Variants in DMRT1 observed in about 807,000 individuals in gnomAD.
The protein encoded by DMRT1 is doublesex and mab-3 related transcription factor 1, also known as doublesex- and mab-3-related transcription factor 1.
DMRT1 carries 7 observed loss-of-function variants against 32.3 expected under a neutral mutation model. The observed-to-expected ratio is 0.22, with a 90% CI of 0.12 to 0.41. The LOEUF is 0.41. Among genes scored for constraint, DMRT1 ranks in the 10% least tolerant of loss-of-function variants. The pLI, the probability that DMRT1 is intolerant of heterozygous loss-of-function variation, is 1.00. For missense variants in DMRT1, 625 were observed against 500.5 expected, an observed-to-expected ratio of 1.25 and a Z score of -2.37; for synonymous variants, 278 against 206.1, an observed-to-expected ratio of 1.35 and a Z score of -2.99.
chr9:856,928 G>A (rs1815423489), intron 2 of DMRT1, among the ~76,000 whole-genome samples: 1 of 152,190 alleles, frequency 6.6e-6, no homozygotes, highest in Non-Finnish European at 1.5e-5. Context: ...ATCCTAGCAA[G>A]CTACAGGTAA....
chr9:900,260 C>T (rs1015650710), intron 3 of DMRT1, among the ~76,000 whole-genome samples: 2 of 152,166 alleles, frequency 1.3e-5, no homozygotes, highest in East Asian at 3.9e-4. Context: ...GCTCCAGCAC[C>T]TTCTGCCTGC....
intron 2 of DMRT1, among the ~76,000 whole-genome samples, chr9:849,726 G>A (rs913633241): frequency 6.6e-6 from 1 of 152,222 alleles, no homozygotes; most frequent in Non-Finnish European, 1.5e-5. Flanking sequence ...GAAGGGGCAT[G>A]TGGAAGCCTA....
chr9:850,901 C>T (rs144515325), intron 2 of DMRT1, among the ~76,000 whole-genome samples: 1,992 of 151,952 alleles, frequency 0.013, 46 homozygotes, highest in African/African-American at 0.043. Context: ...TGGTGGCACA[C>T]GCCTGTAATC....
At chr9:953,618 C>T (rs575636788) in intron 4 of DMRT1, among the ~76,000 whole-genome samples, 3 of 152,314 alleles carry the variant, frequency 2.0e-5, no homozygotes, top group East Asian at 3.9e-4. Context: ...TGTACTCCCT[C>T]TCCACTGCTG....
intron 2 of DMRT1, among the ~76,000 whole-genome samples, chr9:863,349 G>T (rs1004456612): frequency 1.3e-5 from 2 of 151,344 alleles, no homozygotes; most frequent in Non-Finnish European, 2.9e-5. Context: ...GGCAGGGGAA[G>T]TGTGGACAGA....
intron 3 of DMRT1, chr9:894,491 C>G (rs1017391468): frequency 2.6e-5 from 12 of 456,664 alleles, no homozygotes. Flanking sequence ...TCAAATTTTA[C>G]TTTTCTCATT....
intron 3 of DMRT1, among the ~76,000 whole-genome samples, chr9:911,890 T>G (rs1818003925): frequency 6.6e-6 from 1 of 152,160 alleles, no homozygotes; most frequent in African/African-American, 2.4e-5. Flanking sequence ...GTCACGTGGA[T>G]GGGTTGTTTG....
intron 3 of DMRT1, among the ~76,000 whole-genome samples, chr9:907,458 A>G (rs961827591): frequency 2.6e-5 from 4 of 152,168 alleles, no homozygotes; most frequent in Admixed American, 1.3e-4. Context: ...CACTGGTCCA[A>G]ACCAACCACC....
chr9:858,424 G>T (rs554334203), intron 2 of DMRT1, among the ~76,000 whole-genome samples: 1 of 152,208 alleles, frequency 6.6e-6, no homozygotes, highest in Non-Finnish European at 1.5e-5. Context: ...CATATTCCTA[G>T]TTACTTGGTG....
At chr9:896,051 C>T (rs985467491) in intron 3 of DMRT1, among the ~76,000 whole-genome samples, 1 of 151,972 alleles carries the variant, frequency 6.6e-6, no homozygotes, top group African/African-American at 2.4e-5. Context: ...GATTGGCCCA[C>T]CTCAGCCTCC....
intron 4 of DMRT1, among the ~76,000 whole-genome samples, chr9:944,045 C>T (rs1274040915): frequency 1.3e-5 from 2 of 152,128 alleles, no homozygotes; most frequent in Non-Finnish European, 2.9e-5. Context: ...AACTTGGGCA[C>T]CATTTGACTT....
At chr9:888,969 A>AG (rs1363690174) in intron 2 of DMRT1, among the ~76,000 whole-genome samples, 2 of 151,938 alleles carry the variant, frequency 1.3e-5, no homozygotes, top group Admixed American at 6.6e-5. Context: ...TGTATTAAAA[A>AG]AAAAAAAAAA....
At chr9:923,718 T>C (rs1215449631) in intron 4 of DMRT1, among the ~76,000 whole-genome samples, 18 of 152,192 alleles carry the variant, frequency 1.2e-4, no homozygotes, top group Admixed American at 1.2e-3. Context: ...CATCCTGCCC[T>C]GAGCTGTATT....
In DMRT1 at chr9:885,784, C is replaced by T. The variant is rs377534859; in HGVS notation, c.539-8128C>T. ...GCAGTGGAGCCTTCGCAAGGGACCACGCCCACCTCTACCCAGCACTTCCCT... is the reference window on the plus strand; with the variant it reads ...GCAGTGGAGCCTTCGCAAGGGACCATGCCCACCTCTACCCAGCACTTCCCT... On this transcript the variant is annotated intron_variant, in intron 2 of 4. Transcript: ENST00000382276. 6.6e-5 allele frequency among the ~76,000 whole-genome samples: 10 copies of T among 152,270 alleles called. 1 individual carries two copies. The highest frequency in any genetic ancestry group is 5.2e-4 in the Admixed American group (8 of 15,296).
At chr9:873,546 C>T (rs1816366821) in intron 2 of DMRT1, among the ~76,000 whole-genome samples, 2 of 151,936 alleles carry the variant, frequency 1.3e-5, no homozygotes, top group African/African-American at 2.4e-5. Flanking sequence ...CTCGAACTCC[C>T]GACCTCAGGT....
chr9:842,381 C>T (rs1004198204), intron 1 of DMRT1, 189 bp downstream of exon 1: 1 of 709,088 alleles, frequency 1.4e-6, no homozygotes, highest in Non-Finnish European at 2.3e-6. Flanking sequence ...ACTACAGGCG[C>T]ACACCACCAT....
intron 2 of DMRT1, among the ~76,000 whole-genome samples, chr9:878,718 A>G (rs937060227): frequency 2.6e-5 from 4 of 152,112 alleles, no homozygotes; most frequent in African/African-American, 9.7e-5. Flanking sequence ...TGATGGCAGA[A>G]AACGTTATGG....
At chr9:916,182 C>A (rs1818174479) in intron 3 of DMRT1, among the ~76,000 whole-genome samples, 1 of 152,150 alleles carries the variant, frequency 6.6e-6, no homozygotes, top group South Asian at 2.1e-4. Context: ...TTGTGTTGTC[C>A]CCTCTCCACC....
chr9:911,494 T>G (rs1205790886), intron 3 of DMRT1, among the ~76,000 whole-genome samples: 19 of 89,372 alleles, frequency 2.1e-4, no homozygotes, highest in East Asian at 1.5e-3. Flanking sequence ...TTTTTTTTTT[T>G]TTTTTTTTTT....
Sources: gnomAD v4.1 joint callset for allele counts (sites outside exome capture counted in the v4.1 genomes callset) on GRCh38, gnomAD v4.1.1 for gene constraint, MANE v1.5 for transcripts, NCBI Gene and HGNC (gene_info 2026-07-23, HGNC 2026-07-21) for gene names.